PKHD1: variants seen among roughly 807,000 people sequenced by gnomAD.
The protein encoded by PKHD1 is fibrocystin.
In PKHD1, 291 loss-of-function variants were observed where a neutral mutation model predicts 412.0. The ratio of observed to expected loss-of-function variants is 0.71; its 90% CI spans 0.64 to 0.78. The LOEUF (loss-of-function observed/expected upper bound fraction) is 0.78, where lower values mean the gene tolerates loss of function less well. Among genes scored for constraint, PKHD1 ranks in the 30% least tolerant of loss-of-function variants. PKHD1 has a pLI of 0.00. For synonymous variants in PKHD1, 1,777 were observed against 1,821.5 expected (o/e 0.98, Z 0.62); for missense variants, 4,825 against 4,950.7 (o/e 0.97, Z 0.76).
At chr6:51,891,888 G>A (rs557592256) in intron 43 of PKHD1, among the ~76,000 whole-genome samples, 2 of 152,264 alleles carry the variant, frequency 1.3e-5, no homozygotes, top group East Asian at 3.9e-4. Context: ...GGGGAAGTGT[G>A]AGTCAGGGCC....
At chr6:51,691,289 G>A (rs771761177) in intron 60 of PKHD1, among the ~76,000 whole-genome samples, 2 of 152,082 alleles carry the variant, frequency 1.3e-5, no homozygotes, top group Non-Finnish European at 2.9e-5. Context: ...ATTTGACCCA[G>A]CAATCTCATT....
intron 37 of PKHD1, among the ~76,000 whole-genome samples, chr6:51,930,430 C>T (rs890336681): frequency 6.6e-6 from 1 of 152,128 alleles, no homozygotes; most frequent in Non-Finnish European, 1.5e-5. Context: ...GGGTGTGGGA[C>T]TTTTCCTACA....
chr6:51,734,098 C>A (rs1282046408), intron 60 of PKHD1, among the ~76,000 whole-genome samples: 1 of 152,138 alleles, frequency 6.6e-6, no homozygotes, highest in African/African-American at 2.4e-5. Context: ...TCCAAGGGAC[C>A]CTAATGTGTA....
chr6:51,695,999 C>T (rs567221749), intron 60 of PKHD1, among the ~76,000 whole-genome samples: 12 of 152,298 alleles, frequency 7.9e-5, no homozygotes, highest in Admixed American at 2.0e-4. Context: ...CACACTGGGG[C>T]TCCCAAAACT....
intron 24 of PKHD1, 81 bp from the exon 25 acceptor site, chr6:52,045,169 C>T: frequency 7.2e-7 from 1 of 1,381,384 alleles, no homozygotes; most frequent in Non-Finnish European, 1.0e-6. Context: ...AGAGTTTTTT[C>T]ACATTGTGTT....
intron 50 of PKHD1, among the ~76,000 whole-genome samples, chr6:51,843,548 T>A (rs699356): frequency 0.021 from 3,261 of 152,176 alleles, 123 homozygotes; most frequent in African/African-American, 0.074. Context: ...ACATGAGCAG[T>A]CAGGGCATCA....
chr6:52,044,805 C>A (rs993705846), intron 25 of PKHD1, among the ~76,000 whole-genome samples, 161 bp downstream of exon 25: 2 of 152,112 alleles, frequency 1.3e-5, no homozygotes, highest in African/African-American at 2.4e-5. Flanking sequence ...ACTGTACATA[C>A]CCTGTGGAGG....
chr6:51,845,109 C>T (rs1436787447), intron 50 of PKHD1, among the ~76,000 whole-genome samples: 1 of 152,198 alleles, frequency 6.6e-6, no homozygotes, highest in Non-Finnish European at 1.5e-5. Context: ...TGGAACTCTA[C>T]TTCTTGGGCT....
At chr6:51,953,180 T>A (rs1208062136) in intron 36 of PKHD1, among the ~76,000 whole-genome samples, 1 of 152,148 alleles carries the variant, frequency 6.6e-6, no homozygotes. Context: ...GGCAATTCAG[T>A]CCATCTTCTT....
chr6:51,874,700 G>A lies in PKHD1; in HGVS notation c.7351-4061C>T, dbSNP rs560233834. On this transcript the variant is annotated intron_variant, in intron 46 of 66. Coordinates refer to ENST00000371117, the MANE Select transcript of PKHD1 (RefSeq NM_138694.4). Reference sequence around the variant, plus strand: ...TCCCAGCACTATGGGAGGCCAAGGCGGGCGGATCACGAGGTCAGGAGATTG... The same window carrying A: ...TCCCAGCACTATGGGAGGCCAAGGCAGGCGGATCACGAGGTCAGGAGATTG... Among the ~76,000 whole-genome samples, 10 of 152,020 alleles carry A rather than the reference G, an allele frequency of 6.6e-5. No individual in the cohort carries two copies. The East Asian group carries it at 1.2e-3, about 18-fold the overall frequency.
In PKHD1 at chr6:51,640,591, G is replaced by T. The variant is rs547331274; in HGVS notation, c.11399-1635C>A. ...GGGACTTGGGATGGGGTGGGGTGCT[G>T]GGCTCGAGCAACTTTGGAATTGATT... is the stretch of plus-strand genomic sequence containing the variant. On this transcript the variant is annotated intron_variant, in intron 63 of 66. Transcript: ENST00000371117. Among the ~76,000 whole-genome samples, 13 of 152,166 alleles carry T rather than the reference G, an allele frequency of 8.5e-5. No individual in the cohort carries two copies. The South Asian group carries it at 2.7e-3, about 32-fold the overall frequency.
chr6:51,770,670 T>A (rs969565267), intron 55 of PKHD1, among the ~76,000 whole-genome samples: 1 of 151,960 alleles, frequency 6.6e-6, no homozygotes, highest in Non-Finnish European at 1.5e-5. Context: ...TTTTATGGTT[T>A]CTTTCATTTT....
chr6:52,082,344 CA>C (rs770055428), intron 4 of PKHD1, 47 bp downstream of exon 4: 2 of 1,595,880 alleles, frequency 1.3e-6, no homozygotes, highest in Non-Finnish European at 1.7e-6. Flanking sequence ...CTGAGATAAG[CA>C]AAAATCCCTC....
intron 60 of PKHD1, among the ~76,000 whole-genome samples, chr6:51,666,094 A>G (rs545448400): frequency 6.6e-6 from 1 of 152,200 alleles, no homozygotes; most frequent in South Asian, 2.1e-4. Flanking sequence ...ATGGTATAAA[A>G]CAGTCATTGT....
chr6:51,746,617 C>G (rs1486847115), intron 59 of PKHD1, 104 bp downstream of exon 59: 1 of 776,904 alleles, frequency 1.3e-6, no homozygotes, highest in Non-Finnish European at 2.2e-6. Context: ...AGATTCATTT[C>G]TATTTCTTTG....
Position 52,025,407 on chromosome 6 carries a change from A to G in PKHD1, c.4403T>C (p.Leu1468Pro), listed in dbSNP as rs140331370. Residue 1468 changes from leucine (L) to proline (P), a missense_variant, in exon 32 of 67, where the codon CTA (leucine) becomes CCA (proline). Physicochemically the swap from Leu to Pro is moderately conservative, Grantham distance 98. Transcript: ENST00000371117. Reference sequence around the variant, plus strand: ...GCAATTCCCCTGACACTCGCTGGTTAGCCCATTGACCAGGACTGTGACGTT... The same window carrying G: ...GCAATTCCCCTGACACTCGCTGGTTGGCCCATTGACCAGGACTGTGACGTT... ...SLNVTVLVNG[L>P]TSECQGNCTL... 4 of 1,610,338 alleles carry G rather than the reference A, an allele frequency of 2.5e-6. No individual in the cohort carries two copies. Among genetic ancestry groups the G allele is most frequent in the Non-Finnish European group, 3.4e-6 (4 of 1,177,470 alleles).
intron 60 of PKHD1, among the ~76,000 whole-genome samples, chr6:51,660,648 T>C (rs1442070157): frequency 6.6e-6 from 1 of 152,162 alleles, no homozygotes; most frequent in Non-Finnish European, 1.5e-5. Context: ...CATTTACTTA[T>C]GTTTTTTCAT....
chr6:51,882,983 G>T, intron 46 of PKHD1, 110 bp downstream of exon 46: 2 of 805,196 alleles, frequency 2.5e-6, no homozygotes, highest in Non-Finnish European at 2.1e-6. Context: ...TTAAATATGA[G>T]ATTCACTAAA....
rs192989231 is a variant in PKHD1 at position 51,967,346 on chromosome 6, G to A, written c.5752-7320C>T. Among the ~76,000 whole-genome samples, 4 of 152,140 alleles carry A rather than the reference G, an allele frequency of 2.6e-5. No individual in the cohort carries two copies. The East Asian group carries it at 7.7e-4, about 29-fold the overall frequency. ...TGGCTCTTTATAGGAAAAGTTTGGGGACCCCGGTAAATTCTGTTTCATACT... is the reference window on the plus strand; with the variant it reads ...TGGCTCTTTATAGGAAAAGTTTGGGAACCCCGGTAAATTCTGTTTCATACT... On this transcript the variant is annotated intron_variant, in intron 35 of 66. Coordinates refer to ENST00000371117, the MANE Select transcript of PKHD1 (RefSeq NM_138694.4).
Sources: gnomAD v4.1 joint callset for allele counts (sites outside exome capture counted in the v4.1 genomes callset) on GRCh38, gnomAD v4.1.1 for gene constraint, MANE v1.5 for transcripts, NCBI Gene and HGNC (gene_info 2026-07-23, HGNC 2026-07-21) for gene names.